The following CCDC7 variants were observed in gnomAD, a reference collection of about 807,000 sequenced individuals.
CCDC7 encodes the protein coiled-coil domain-containing protein 7.
A neutral mutation model predicts 196.9 loss-of-function variants in CCDC7; 183 were observed. That is an observed-to-expected ratio of 0.93 (90% CI 0.82 to 1.05). The LOEUF (loss-of-function observed/expected upper bound fraction) is 1.05. Ranked by LOEUF, CCDC7 falls within the 50% of genes least tolerant of loss-of-function variation. CCDC7 has a pLI of 0.00. For synonymous variants in CCDC7, 525 were observed against 484.6 expected (o/e 1.08, Z -1.10); for missense variants, 1,540 against 1,482.2 (o/e 1.04, Z -0.64).
intron 9 of CCDC7, among the ~76,000 whole-genome samples, chr10:32,503,574 G>C (rs1232112139): frequency 6.6e-6 from 1 of 152,044 alleles, no homozygotes; most frequent in Non-Finnish European, 1.5e-5. Flanking sequence ...TATTCATCAG[G>C]GATAATTTTC....
chr10:32,826,296 T>C (rs771303699), intron 32 of CCDC7, among the ~76,000 whole-genome samples: 4 of 151,982 alleles, frequency 2.6e-5, no homozygotes, highest in African/African-American at 7.3e-5. Context: ...GAACTTGGAG[T>C]CCAATATGCA....
intron 24 of CCDC7, among the ~76,000 whole-genome samples, chr10:32,695,528 G>C (rs1037577924): frequency 7.9e-5 from 12 of 152,156 alleles, no homozygotes; most frequent in African/African-American, 2.9e-4. Flanking sequence ...TGCCCGTTAA[G>C]GGAATTTGAG....
chr10:32,514,727 C>T (rs948188590), intron 9 of CCDC7: 2 of 152,192 alleles, frequency 1.3e-5, no homozygotes, highest in Non-Finnish European at 2.9e-5. Flanking sequence ...AAATGCAAGA[C>T]TTGGGCACTG....
At chr10:32,869,718 A>G (rs1231420497) in intron 41 of CCDC7, among the ~76,000 whole-genome samples, 1 of 152,048 alleles carries the variant, frequency 6.6e-6, no homozygotes, top group East Asian at 1.9e-4. Context: ...TAGGTCTTTA[A>G]TCCATCTTGA....
At chr10:32,635,193 T>C (rs190721292) in intron 20 of CCDC7, 35 bp downstream of exon 21, 1 of 397,464 alleles carries the variant, frequency 2.5e-6, no homozygotes, top group Admixed American at 4.4e-5. Context: ...TAAAATTATT[T>C]TCAATTATAT....
intron 20 of CCDC7, among the ~76,000 whole-genome samples, chr10:32,661,880 G>T (rs1169437731): frequency 6.6e-6 from 1 of 152,120 alleles, no homozygotes; most frequent in African/African-American, 2.4e-5. Flanking sequence ...TGTCCTGGCT[G>T]GTGTCTCAGT....
intron 29 of CCDC7, among the ~76,000 whole-genome samples, chr10:32,782,204 T>C (rs2081163068): frequency 6.7e-6 from 1 of 148,470 alleles, no homozygotes; most frequent in South Asian, 2.2e-4. Flanking sequence ...TGTTCATGGA[T>C]TAGAAGATAA....
At chr10:32,694,847 C>T in intron 23 of CCDC7, 32 bp from the exon 25 acceptor site, 3 of 1,303,432 alleles carry the variant, frequency 2.3e-6, no homozygotes, top group Admixed American at 2.3e-5. Flanking sequence ...TCTGTTTTTC[C>T]ATTAAGAGAC....
chr10:32,642,237 T>A (rs368479054), intron 20 of CCDC7, among the ~76,000 whole-genome samples: 60 of 152,226 alleles, frequency 3.9e-4, no homozygotes, highest in African/African-American at 1.4e-3. Flanking sequence ...GGCAATGCCC[T>A]GCCCCCAGAG....
intron 18 of CCDC7, among the ~76,000 whole-genome samples, chr10:32,612,618 T>C (rs564772131): frequency 6.6e-6 from 1 of 152,322 alleles, no homozygotes; most frequent in South Asian, 2.1e-4. Flanking sequence ...ATTAGTGTTT[T>C]TAGCATGAAG....
At chr10:32,823,218 C>G (rs1332566865) in intron 31 of CCDC7, among the ~76,000 whole-genome samples, 1 of 151,908 alleles carries the variant, frequency 6.6e-6, no homozygotes, top group Non-Finnish European at 1.5e-5. Context: ...TCTTGGCTCA[C>G]CACAACCTCC....
chr10:32,595,770 A>G (rs192304964), intron 18 of CCDC7, among the ~76,000 whole-genome samples: 228 of 152,302 alleles, frequency 1.5e-3, no homozygotes, highest in African/African-American at 5.4e-3. Context: ...TTTAAAGAAC[A>G]TCTTTATTTC....
chr10:32,568,009 T>TTG lies in CCDC7; in HGVS notation c.1419+119_1419+120insGT. On this transcript the variant is annotated intron_variant, in intron 15 of 41. Transcript: ENST00000639629. ...AAATTCATGCCTCTGTTTTTGGGTT[T>TTG]TTTTTTTTTTTTTTTTGAGATGGAG... 4 of 301,036 alleles carry TTG rather than the reference T, an allele frequency of 1.3e-5. No homozygotes were observed. In the Admixed American group the frequency reaches 4.7e-4, roughly 36 times the overall value. The allele number at this position is 301,036 out of a possible 1,614,324, so 18.6% of individuals were successfully genotyped here.
chr10:32,526,998 G>T (rs1039721497), intron 11 of CCDC7, among the ~76,000 whole-genome samples: 1 of 152,106 alleles, frequency 6.6e-6, no homozygotes, highest in African/African-American at 2.4e-5. Flanking sequence ...TGCAGTCCAT[G>T]TGTCCTAGAC....
chr10:32,738,710 G>A (rs2085306993), intron 28 of CCDC7, among the ~76,000 whole-genome samples: 1 of 151,764 alleles, frequency 6.6e-6, no homozygotes, highest in Admixed American at 6.6e-5. Context: ...CTGAGCTCAA[G>A]CAATCCATCT....
intron 39 of CCDC7, among the ~76,000 whole-genome samples, 198 bp downstream of exon 40, chr10:32,848,916 TTATTC>T (rs562222649): frequency 9.3e-4 from 142 of 152,260 alleles, no homozygotes; most frequent in African/African-American, 3.2e-3. Context: ...TAAGAACACT[TTATTC>T]AATCATTCTA....
intron 8 of CCDC7, among the ~76,000 whole-genome samples, chr10:32,486,565 A>G (rs11527635): frequency 0.015 from 338 of 23,266 alleles, 8 homozygotes; most frequent in East Asian, 0.11. Context: ...TATTTTGCTC[A>G]TTAGTTGATG....
intron 24 of CCDC7, among the ~76,000 whole-genome samples, chr10:32,705,969 C>G (rs11009043): frequency 0.14 from 21,156 of 152,082 alleles, 1,879 homozygotes; most frequent in East Asian, 0.25. Flanking sequence ...CCAAGCGGAC[C>G]TACTGGACAT....
At chr10:32,571,893 G>A in exon 16 of CCDC7, 5 of 1,565,336 alleles carry the variant, frequency 3.2e-6, no homozygotes, top group Non-Finnish European at 3.5e-6. Flanking sequence ...ATTGAAAAGA[G>A]GTAAAACACT....
Sources: allele counts gnomAD v4.1 joint callset (sites outside exome capture counted in the v4.1 genomes callset), GRCh38; gene constraint gnomAD v4.1.1; transcripts MANE v1.5; gene names NCBI Gene and HGNC (gene_info 2026-07-23, HGNC 2026-07-21).